GRIK1: variants seen among roughly 807,000 people sequenced by gnomAD.
The protein encoded by GRIK1 is glutamate receptor ionotropic, kainate 1.
In GRIK1, 69 loss-of-function variants were observed where a neutral mutation model predicts 105.7. That is an observed-to-expected ratio of 0.65 (90% CI 0.54 to 0.80). The LOEUF (loss-of-function observed/expected upper bound fraction) is 0.80. Ranked by LOEUF, GRIK1 falls within the 30% of genes least tolerant of loss-of-function variation. The pLI, the probability that GRIK1 is intolerant of heterozygous loss-of-function variation, is 0.00. For synonymous variants in GRIK1, 438 were observed against 431.3 expected (o/e 1.02, Z -0.19); for missense variants, 1,109 against 1,167.3 (o/e 0.95, Z 0.73).
chr21:29,803,721 T>C (rs144128729), intron 1 of GRIK1, among the ~76,000 whole-genome samples: 350 of 152,142 alleles, frequency 2.3e-3, no homozygotes, highest in African/African-American at 7.8e-3. Flanking sequence ...ACTCACAAAA[T>C]TGGTAAGTGA....
chr21:29,836,282 G>A (rs150502772), intron 1 of GRIK1, among the ~76,000 whole-genome samples: 2 of 152,160 alleles, frequency 1.3e-5, no homozygotes, highest in Non-Finnish European at 2.9e-5. Flanking sequence ...ATTCTCTTGG[G>A]GCCAAGTAGG....
intron 1 of GRIK1, among the ~76,000 whole-genome samples, chr21:29,782,924 T>C (rs576802051): frequency 6.6e-6 from 1 of 152,324 alleles, no homozygotes; most frequent in Non-Finnish European, 1.5e-5. Context: ...CTTGATCATT[T>C]TTCATCTTGG....
chr21:29,790,321 A>G (rs751247464), intron 1 of GRIK1, among the ~76,000 whole-genome samples: 1 of 152,204 alleles, frequency 6.6e-6, no homozygotes, highest in African/African-American at 2.4e-5. Context: ...TGCTGGGATT[A>G]CAAGTGTGAG....
intron 3 of GRIK1, among the ~76,000 whole-genome samples, chr21:29,683,012 G>A (rs1391907501): frequency 1.3e-5 from 2 of 152,118 alleles, no homozygotes. Context: ...CACGCAAGTG[G>A]CCAACGAGCA....
chr21:29,576,953 C>T lies in GRIK1; in HGVS notation c.2130+11G>A. On this transcript the variant is annotated intron_variant, in intron 14 of 17. Transcript: ENST00000327783. ...CAGATAATCACTGAGAACACTTTGT[C>T]AGCTTCTTACCTTGAAGAAGGTCAT... 6.8e-7 allele frequency: 1 copy of T among 1,480,268 alleles called. No homozygotes were observed. Among genetic ancestry groups the T allele is most frequent in the Non-Finnish European group, 9.4e-7 (1 of 1,061,934 alleles). The allele number at this position is 1,480,268 out of a possible 1,614,324, so 91.7% of individuals were successfully genotyped here. A position where few individuals can be genotyped will look rare whatever the true frequency, so the allele number is the denominator to read the frequency against.
chr21:29,634,671 A>G (rs1037784568), intron 7 of GRIK1, among the ~76,000 whole-genome samples: 1 of 152,214 alleles, frequency 6.6e-6, no homozygotes, highest in African/African-American at 2.4e-5. Context: ...TATCAGAGCT[A>G]CGGAGTTGAA....
At chr21:29,720,711 ACT>A (rs1890962960) in intron 1 of GRIK1, among the ~76,000 whole-genome samples, 1 of 152,164 alleles carries the variant, frequency 6.6e-6, no homozygotes. Flanking sequence ...ATGAGAGATT[ACT>A]GAGTGCTTCC....
Position 29,560,496 on chromosome 21 carries a change from T to C in GRIK1, c.2356+1128A>G, listed in dbSNP as rs55720023. On this transcript the variant is annotated intron_variant, in intron 15 of 17. Coordinates refer to ENST00000327783, the MANE Select transcript of GRIK1 (RefSeq NM_001330994.2). ...TTCTCTCTCTCCCTTTCTTTCTTTCTTTCCTTCCTTCCTTCCTTCCTTCCT... is the reference window on the plus strand; with the variant it reads ...TTCTCTCTCTCCCTTTCTTTCTTTCCTTCCTTCCTTCCTTCCTTCCTTCCT... Among the ~76,000 whole-genome samples, 64 of 30,262 alleles carry C rather than the reference T, an allele frequency of 2.1e-3. 7 individuals are homozygous for C. In the East Asian group the frequency reaches 0.031, roughly 15 times the overall value. 19.9% of individuals were successfully genotyped at this position (30,262 alleles called of 152,430 possible).
chr21:29,603,163 A>C (rs903329398), intron 7 of GRIK1, among the ~76,000 whole-genome samples: 12 of 152,140 alleles, frequency 7.9e-5, no homozygotes, highest in Admixed American at 7.9e-4. Context: ...TGGCCAAAGC[A>C]TATTTTCTGG....
intron 13 of GRIK1, among the ~76,000 whole-genome samples, chr21:29,580,424 C>T (rs375173181): frequency 6.6e-6 from 1 of 151,974 alleles, no homozygotes. Flanking sequence ...AATTGCGTAA[C>T]TAGGATTTTC....
intron 7 of GRIK1, among the ~76,000 whole-genome samples, chr21:29,602,226 G>A (rs928774494): frequency 2.6e-5 from 4 of 152,138 alleles, no homozygotes; most frequent in African/African-American, 9.7e-5. Flanking sequence ...TAATGAAAGT[G>A]ATTCATGAAG....
chr21:29,939,468 C>A lies in GRIK1; in HGVS notation c.33G>T (p.Gly11=), dbSNP rs2071899821. 2 of 1,599,538 alleles carry A rather than the reference C, an allele frequency of 1.3e-6. No homozygotes were observed. The highest frequency in any genetic ancestry group is 2.2e-5 in the South Asian group (2 of 89,638). Residue 11 remains glycine, a synonymous_variant, in exon 1 of 18, where the codon GGG becomes GGT. Coordinates refer to ENST00000327783, the MANE Select transcript of GRIK1 (RefSeq NM_001330994.2). MEHGTLLAQP[G]LWTRDTSWAL... ...CCCAGCTGGTGTCCCTGGTCCAGAGCCCGGGCTGGGCGAGGAGTGTGCCGT... is the reference window on the plus strand; with the variant it reads ...CCCAGCTGGTGTCCCTGGTCCAGAGACCGGGCTGGGCGAGGAGTGTGCCGT...
chr21:29,924,766 G>C (rs1341973907), intron 1 of GRIK1, among the ~76,000 whole-genome samples: 2 of 152,054 alleles, frequency 1.3e-5, no homozygotes, highest in African/African-American at 4.8e-5. Context: ...CATCCTCTTA[G>C]AGGTGAGGTG....
intron 3 of GRIK1, among the ~76,000 whole-genome samples, chr21:29,684,301 C>A (rs1433333660): frequency 6.7e-6 from 1 of 150,040 alleles, no homozygotes; most frequent in East Asian, 2.0e-4. Context: ...TATCTATCAT[C>A]TATCTACCGT....
chr21:29,701,474 C>T (rs999705391), intron 1 of GRIK1, among the ~76,000 whole-genome samples: 2 of 152,098 alleles, frequency 1.3e-5, no homozygotes, highest in African/African-American at 4.8e-5. Flanking sequence ...GTGAGCTGGG[C>T]TTGGACTGGT....
At chr21:29,745,541 C>A (rs1009853440) in intron 1 of GRIK1, among the ~76,000 whole-genome samples, 2 of 152,110 alleles carry the variant, frequency 1.3e-5, no homozygotes, top group Non-Finnish European at 2.9e-5. Flanking sequence ...GACTTAGATC[C>A]CACAGGTAGA....
Position 29,852,959 on chromosome 21 carries a change from A to T in GRIK1, c.118+86424T>A, listed in dbSNP as rs907560853. Among the ~76,000 whole-genome samples the T allele has an allele frequency of 5.3e-5, 8 of 152,170 alleles. No individual in the cohort carries two copies. In the East Asian group the frequency reaches 1.5e-3, roughly 29 times the overall value. On this transcript the variant is annotated intron_variant, in intron 1 of 17. Transcript: ENST00000327783. Reference sequence around the variant, plus strand: ...CCTTTTGGTAATGTAATTCATTCTGATCTTATATCCCAAAGCTTTAAGATT... The same window carrying T: ...CCTTTTGGTAATGTAATTCATTCTGTTCTTATATCCCAAAGCTTTAAGATT...
intron 1 of GRIK1, among the ~76,000 whole-genome samples, chr21:29,751,771 G>T (rs1183986385): frequency 1.3e-5 from 2 of 152,082 alleles, no homozygotes; most frequent in African/African-American, 4.8e-5. Flanking sequence ...TTTTACATAG[G>T]TTGCAAGTAA....
intron 6 of GRIK1, among the ~76,000 whole-genome samples, chr21:29,643,194 TA>T (rs142706126): frequency 1.3e-5 from 2 of 151,384 alleles, no homozygotes; most frequent in Admixed American, 6.6e-5. Flanking sequence ...TCAAGTTCTT[TA>T]AAAAAAAATA....
Sources: gnomAD v4.1 joint callset for allele counts (sites outside exome capture counted in the v4.1 genomes callset) on GRCh38, gnomAD v4.1.1 for gene constraint, MANE v1.5 for transcripts, NCBI Gene and HGNC (gene_info 2026-07-23, HGNC 2026-07-21) for gene names.